Variants in VWC2L observed in about 807,000 individuals in gnomAD.
VWC2L encodes the protein von Willebrand factor C domain containing 2 like.
A neutral mutation model predicts 21.6 loss-of-function variants in VWC2L; 10 were observed. That is an observed-to-expected ratio of 0.46 (90% CI 0.29 to 0.78). The LOEUF (loss-of-function observed/expected upper bound fraction) is 0.78. Among genes scored for constraint, VWC2L ranks in the 30% least tolerant of loss-of-function variants. The pLI is 0.10. For synonymous variants in VWC2L, 96 were observed against 94.3 expected, an observed-to-expected ratio of 1.02 and a Z score of -0.10; for missense variants, 209 against 277.1, an observed-to-expected ratio of 0.75 and a Z score of 1.74.
chr2:214,564,168 A>G (rs1198328989), intron 3 of VWC2L, among the ~76,000 whole-genome samples: 2 of 152,238 alleles, frequency 1.3e-5, no homozygotes, highest in Non-Finnish European at 2.9e-5. Context: ...GAAATCAGAG[A>G]GGACACAAAC....
chr2:214,502,195 A>AT (rs1688902478), intron 3 of VWC2L, among the ~76,000 whole-genome samples: 1 of 152,180 alleles, frequency 6.6e-6, no homozygotes, highest in Non-Finnish European at 1.5e-5. Context: ...TGAACTTGAA[A>AT]TATTCGCATG....
At chr2:214,493,777 C>T (rs1297855388) in intron 3 of VWC2L, among the ~76,000 whole-genome samples, 2 of 152,104 alleles carry the variant, frequency 1.3e-5, no homozygotes, top group Non-Finnish European at 2.9e-5. Flanking sequence ...GAGAGTCACC[C>T]AGACCCCAGG....
chr2:214,510,225 A>G (rs575619635), intron 3 of VWC2L: 1 of 152,230 alleles, frequency 6.6e-6, no homozygotes, highest in East Asian at 1.9e-4. Context: ...TGTAAGCTGA[A>G]TTGATTATCA....
chr2:214,558,318 T>C (rs1213721404), intron 3 of VWC2L, among the ~76,000 whole-genome samples: 1 of 152,174 alleles, frequency 6.6e-6, no homozygotes, highest in African/African-American at 2.4e-5. Flanking sequence ...CTGAATTCAA[T>C]TACCATTCAT....
intron 3 of VWC2L, among the ~76,000 whole-genome samples, chr2:214,443,877 A>C (rs535253931): frequency 3.9e-4 from 60 of 152,268 alleles, no homozygotes; most frequent in South Asian, 2.5e-3. Flanking sequence ...ATTGGAAAGA[A>C]GGAGGTAAAA....
chr2:214,539,309 T>G (rs560490560), intron 3 of VWC2L, among the ~76,000 whole-genome samples: 2 of 152,168 alleles, frequency 1.3e-5, no homozygotes, highest in Non-Finnish European at 2.9e-5. Flanking sequence ...GAAAAGTTTA[T>G]AAAATTACTT....
intron 3 of VWC2L, among the ~76,000 whole-genome samples, chr2:214,482,538 C>T (rs1045849445): frequency 1.3e-4 from 18 of 138,692 alleles, no homozygotes; most frequent in South Asian, 4.2e-4. Context: ...TATATATATA[C>T]ACACACACAC....
At chr2:214,471,493 A>G (rs1703309431) in intron 3 of VWC2L, among the ~76,000 whole-genome samples, 1 of 152,348 alleles carries the variant, frequency 6.6e-6, no homozygotes, top group South Asian at 2.1e-4. Flanking sequence ...TACTGTACAC[A>G]TGTAATCTCA....
intron 3 of VWC2L, among the ~76,000 whole-genome samples, chr2:214,447,856 C>T (rs982903900): frequency 6.6e-6 from 1 of 152,020 alleles, no homozygotes; most frequent in African/African-American, 2.4e-5. Context: ...CTGGGTGGTC[C>T]TGAAAAGATC....
chr2:214,491,218 G>T (rs1311761849), intron 3 of VWC2L, among the ~76,000 whole-genome samples: 2 of 152,176 alleles, frequency 1.3e-5, no homozygotes, highest in Non-Finnish European at 2.9e-5. Context: ...CATGGCAAAT[G>T]ATATGGTAAT....
At chr2:214,519,242 G>A (rs1452918235) in intron 3 of VWC2L, among the ~76,000 whole-genome samples, 1 of 152,062 alleles carries the variant, frequency 6.6e-6, no homozygotes, top group African/African-American at 2.4e-5. Flanking sequence ...TCTTACCCAT[G>A]TACTGCTGCT....
intron 3 of VWC2L, among the ~76,000 whole-genome samples, chr2:214,499,009 CTTTTTTTT>C (rs56085205): frequency 2.4e-5 from 2 of 83,454 alleles, no homozygotes; most frequent in African/African-American, 6.1e-5. Context: ...TCGTACCATT[CTTTTTTTT>C]TTTTTTTTTT....
intron 3 of VWC2L, among the ~76,000 whole-genome samples, chr2:214,535,678 G>A (rs915418466): frequency 6.6e-6 from 1 of 152,048 alleles, no homozygotes; most frequent in African/African-American, 2.4e-5. Flanking sequence ...GTATTGGTCT[G>A]ACAGCCTGAC....
intron 3 of VWC2L, among the ~76,000 whole-genome samples, chr2:214,523,591 C>A (rs376999907): frequency 1.3e-5 from 2 of 152,128 alleles, no homozygotes; most frequent in African/African-American, 4.8e-5. Flanking sequence ...GTAATCCCAG[C>A]ACTTTGGGTG....
intron 2 of VWC2L, among the ~76,000 whole-genome samples, chr2:214,423,023 A>G (rs1702467129): frequency 6.6e-6 from 1 of 152,150 alleles, no homozygotes; most frequent in Non-Finnish European, 1.5e-5. Flanking sequence ...TGAAGATTTG[A>G]AGATTATAAT....
chr2:214,519,091 G>C (rs1485319859), intron 3 of VWC2L, among the ~76,000 whole-genome samples: 2 of 152,118 alleles, frequency 1.3e-5, no homozygotes, highest in Non-Finnish European at 2.9e-5. Flanking sequence ...AAAAACCTTA[G>C]CATGAAAGAC....
intron 3 of VWC2L, among the ~76,000 whole-genome samples, chr2:214,569,354 C>T (rs956063549): frequency 3.3e-5 from 5 of 152,088 alleles, no homozygotes. Flanking sequence ...CACACACACC[C>T]CTACATAAAA....
intron 3 of VWC2L, among the ~76,000 whole-genome samples, chr2:214,554,261 T>G (rs1689840455): frequency 6.6e-6 from 1 of 152,206 alleles, no homozygotes; most frequent in Non-Finnish European, 1.5e-5. Context: ...CAGTGTACGG[T>G]GTCAACCAAA....
intron 3 of VWC2L, among the ~76,000 whole-genome samples, chr2:214,471,042 T>C (rs886241143): frequency 2.0e-5 from 3 of 152,178 alleles, no homozygotes; most frequent in African/African-American, 4.8e-5. Context: ...AGTACCTTTT[T>C]TCCCCATGAG....
Sources: gnomAD v4.1 joint callset for allele counts (sites outside exome capture counted in the v4.1 genomes callset) on GRCh38, gnomAD v4.1.1 for gene constraint, MANE v1.5 for transcripts, NCBI Gene and HGNC (gene_info 2026-07-23, HGNC 2026-07-21) for gene names.